Variants in ZMIZ1 observed in about 807,000 individuals in gnomAD.
ZMIZ1 encodes zinc finger MIZ domain-containing protein 1.
ZMIZ1 carries 17 observed loss-of-function variants against 113.9 expected under a neutral mutation model. The ratio of observed to expected loss-of-function variants is 0.15; its 90% CI spans 0.10 to 0.22. The LOEUF is 0.22. Ranked by LOEUF, ZMIZ1 falls within the 10% of genes least tolerant of loss-of-function variation. The pLI is 1.00. For missense variants in ZMIZ1, 1,059 were observed against 1,477.8 expected, an observed-to-expected ratio of 0.72 and a Z score of 4.65; for synonymous variants, 607 against 603.1, an observed-to-expected ratio of 1.01 and a Z score of -0.09.
chr10:79,178,885 C>G (rs552298414), intron 4 of ZMIZ1, among the ~76,000 whole-genome samples: 1 of 152,276 alleles, frequency 6.6e-6, no homozygotes, highest in South Asian at 2.1e-4. Context: ...CGTGGATCTC[C>G]CAGACAGCCC....
In ZMIZ1 at chr10:79,312,906, A is replaced by C; in HGVS notation, c.*157A>C. 1 of 639,378 alleles carries C rather than the reference A, an allele frequency of 1.6e-6. No homozygotes were observed. Among genetic ancestry groups the C allele is most frequent in the Non-Finnish European group, 2.7e-6 (1 of 371,722 alleles). The allele number at this position is 639,378 out of a possible 1,614,324, so 39.6% of individuals were successfully genotyped here. ...TCCCCCGCTGCAGCCCTCTCAGAAC[A>C]GAGGGGTAGGGAGGGTGCACCAGTG... On this transcript the variant is annotated 3_prime_UTR_variant, in exon 25 of 25. Transcript: ENST00000334512.
chr10:79,304,579 C>CA (rs1192132227), intron 19 of ZMIZ1, among the ~76,000 whole-genome samples: 1 of 152,162 alleles, frequency 6.6e-6, no homozygotes, highest in East Asian at 1.9e-4. Context: ...CAGGCAGTGA[C>CA]AGAGCAATGA....
intron 1 of ZMIZ1, among the ~76,000 whole-genome samples, chr10:79,117,241 C>T (rs1391859467): frequency 6.6e-6 from 1 of 152,278 alleles, no homozygotes; most frequent in East Asian, 1.9e-4. Context: ...CTAAACAACT[C>T]TCAAGGCCAG....
intron 2 of ZMIZ1, among the ~76,000 whole-genome samples, chr10:79,138,547 A>G (rs10509405): frequency 0.056 from 8,541 of 152,246 alleles, 770 homozygotes; most frequent in African/African-American, 0.18. Context: ...GGTCTTGCCC[A>G]GTGCTAGAAA....
At chr10:79,116,373 A>G (rs1844031402) in intron 1 of ZMIZ1, among the ~76,000 whole-genome samples, 1 of 152,042 alleles carries the variant, frequency 6.6e-6, no homozygotes, top group South Asian at 2.1e-4. Flanking sequence ...GGCAGAAGAG[A>G]GACTTACACA....
chr10:79,088,964 A>C (rs1194786188), intron 1 of ZMIZ1, among the ~76,000 whole-genome samples: 1 of 152,168 alleles, frequency 6.6e-6, no homozygotes, highest in Non-Finnish European at 1.5e-5. Context: ...AGAGTGCTGA[A>C]CTTGTTCAGC....
intron 7 of ZMIZ1, among the ~76,000 whole-genome samples, chr10:79,220,131 G>A (rs989345662): frequency 4.6e-5 from 7 of 152,236 alleles, no homozygotes; most frequent in South Asian, 2.1e-4. Flanking sequence ...TCTCCAGGCT[G>A]TGGCCTCGTC....
rs1014922728 is a variant in ZMIZ1 at position 79,133,389 on chromosome 10, C to T, written c.-226-6293C>T. On this transcript the variant is annotated intron_variant, in intron 2 of 24. Transcript: ENST00000334512. ...CCATTATTCCTGGATCTGGTTTCTC[C>T]GGAGTTCCGGGAGGAAAGGAAGAAT... Among the ~76,000 whole-genome samples, 3 of 152,178 alleles carry T rather than the reference C, an allele frequency of 2.0e-5. No homozygotes were observed. In the South Asian group the frequency reaches 6.2e-4, roughly 32 times the overall value.
chr10:79,296,843 A>G lies in ZMIZ1; in HGVS notation c.1413+190A>G, dbSNP rs1435834186. 16 of 451,060 alleles carry G rather than the reference A, an allele frequency of 3.5e-5. No homozygotes were observed. Among genetic ancestry groups the G allele is most frequent in the Non-Finnish European group, 6.2e-5 (16 of 258,606 alleles). The allele number at this position is 451,060 out of a possible 1,614,324, so 27.9% of individuals were successfully genotyped here. ...CCAGAATGTCAGAGTGGCTTTTCTC[A>G]GTTCCTATTCTCATTCGTCTCGGAT... On this transcript the variant is annotated intron_variant, in intron 13 of 24. Coordinates refer to ENST00000334512, the MANE Select transcript of ZMIZ1 (RefSeq NM_020338.4). The surrounding 1 kb of genome is among the most constrained non-coding windows in gnomAD (Gnocchi z 4.1).
chr10:79,162,493 A>G (rs1311481398), intron 4 of ZMIZ1, among the ~76,000 whole-genome samples: 1 of 152,172 alleles, frequency 6.6e-6, no homozygotes, highest in East Asian at 1.9e-4. Context: ...GGCCTGGGTG[A>G]GCAGGAGCAT....
rs1004941939 is a variant in ZMIZ1 at position 79,109,146 on chromosome 10, C to G, written c.-336-9769C>G. 1.1e-4 allele frequency among the ~76,000 whole-genome samples: 16 copies of G among 152,182 alleles called. 1 individual carries two copies. Among genetic ancestry groups the G allele is most frequent in the South Asian group, 6.2e-4 (3 of 4,826 alleles). On this transcript the variant is annotated intron_variant, in intron 1 of 24. Transcript: ENST00000334512. ...CCTATGTCCTCTGGGCTGCCTCTCT[C>G]TGTGTTGATCTGTTCGTGGCTCTGG...
At chr10:79,287,859 G>A (rs753311090) in intron 8 of ZMIZ1, among the ~76,000 whole-genome samples, 9 of 152,178 alleles carry the variant, frequency 5.9e-5, no homozygotes, top group African/African-American at 1.4e-4. Context: ...AGTCTCTGCC[G>A]TCACAGAGCT....
intron 1 of ZMIZ1, among the ~76,000 whole-genome samples, chr10:79,109,248 G>A (rs1246150071): frequency 6.6e-6 from 1 of 152,208 alleles, no homozygotes; most frequent in Non-Finnish European, 1.5e-5. Context: ...ATGCCTCTGT[G>A]CAAGTGCGCC....
At chr10:79,110,567 G>C (rs7914988) in intron 1 of ZMIZ1, among the ~76,000 whole-genome samples, 89,753 of 152,124 alleles carry the variant, frequency 0.59, 26,560 homozygotes, top group African/African-American at 0.62. Flanking sequence ...TGGTACTGAT[G>C]TTGGCCGACT....
At chr10:79,168,574 T>C (rs1409530616) in intron 4 of ZMIZ1, among the ~76,000 whole-genome samples, 1 of 152,206 alleles carries the variant, frequency 6.6e-6, no homozygotes, top group Non-Finnish European at 1.5e-5. Context: ...CAGCTTCCTC[T>C]GGGCATAGCA....
chr10:79,265,513 A>T (rs1851551295), intron 7 of ZMIZ1, among the ~76,000 whole-genome samples: 1 of 132,458 alleles, frequency 7.5e-6, no homozygotes, highest in Non-Finnish European at 1.5e-5. Context: ...AGTGATGGTG[A>T]TAGAGGTACA....
chr10:79,265,268 C>T (rs1227979302), intron 7 of ZMIZ1, among the ~76,000 whole-genome samples: 3 of 152,062 alleles, frequency 2.0e-5, no homozygotes, highest in Admixed American at 6.5e-5. Flanking sequence ...AGGACCTGCC[C>T]AGCACAGGGA....
At chr10:79,200,865 T>C (rs909770476) in intron 4 of ZMIZ1, among the ~76,000 whole-genome samples, 1 of 151,346 alleles carries the variant, frequency 6.6e-6, no homozygotes, top group African/African-American at 2.4e-5. Flanking sequence ...CTGAGGGTCG[T>C]CATATGGGAA....
rs774481111 is a variant in ZMIZ1, at chr10:79,210,410, A to G, written c.174+1961A>G. 1.2e-3 allele frequency among the ~76,000 whole-genome samples: 185 copies of G among 152,340 alleles called. 1 individual carries two copies. The highest frequency in any genetic ancestry group is 9.7e-4 in the East Asian group (5 of 5,180). ...CCCTGTGCTGGGCCCCAGAGGGACC[A>G]TTGTCAAGGGGCTGGCCTGCCAGGG... On this transcript the variant is annotated intron_variant, in intron 6 of 24. Transcript: ENST00000334512.
Sources: gnomAD v4.1 joint callset for allele counts (sites outside exome capture counted in the v4.1 genomes callset) on GRCh38, gnomAD v4.1.1 for gene constraint, Gnocchi (gnomAD v3.1) non-coding constraint, MANE v1.5 for transcripts, NCBI Gene and HGNC (gene_info 2026-07-23, HGNC 2026-07-21) for gene names.